The following IGFBP7 variants were observed in gnomAD, a reference collection of about 807,000 sequenced individuals.
The protein encoded by IGFBP7 is insulin-like growth factor-binding protein 7.
Under a neutral mutation model 29.4 loss-of-function variants are expected in IGFBP7, and 31 were observed. The observed-to-expected ratio is 1.05, with a 90% CI of 0.79 to 1.42. The LOEUF is 1.42. Ranked by LOEUF, IGFBP7 falls within the 40% of genes most tolerant of loss-of-function variation. The probability of loss-of-function intolerance (pLI) is 0.00; values close to 1 mark genes in which losing one functional copy is unlikely to be tolerated. For synonymous variants in IGFBP7, 172 were observed against 174.9 expected (o/e 0.98, Z 0.13); for missense variants, 393 against 395.5 (o/e 0.99, Z 0.05).
intron 1 of IGFBP7, among the ~76,000 whole-genome samples, chr4:57,095,331 A>C (rs1246103462): frequency 6.6e-6 from 1 of 152,226 alleles, no homozygotes; most frequent in African/African-American, 2.4e-5. Context: ...TGCTCCCAGA[A>C]GCAGTGGTTC....
intron 1 of IGFBP7, among the ~76,000 whole-genome samples, chr4:57,050,329 C>T (rs1475060476): frequency 6.6e-6 from 1 of 150,884 alleles, no homozygotes; most frequent in East Asian, 2.0e-4. Context: ...ACTGCAACCT[C>T]TGCCCTGTGG....
intron 1 of IGFBP7, among the ~76,000 whole-genome samples, chr4:57,077,731 G>A (rs1725260820): frequency 6.6e-6 from 1 of 152,196 alleles, no homozygotes; most frequent in African/African-American, 2.4e-5. Context: ...GAAATGCAAA[G>A]GGAACAGAAC....
chr4:57,055,002 G>C (rs1400122950), intron 1 of IGFBP7, among the ~76,000 whole-genome samples: 2 of 152,220 alleles, frequency 1.3e-5, no homozygotes, highest in Non-Finnish European at 2.9e-5. Flanking sequence ...CTTCAGGCGA[G>C]GCTGACGGCA....
At position 57,109,699 on chromosome 4, in the gene IGFBP7, G is replaced by A. The variant is rs1382641717; in HGVS notation, c.475+178C>T. 13 of 721,566 alleles carry A rather than the reference G, an allele frequency of 1.8e-5. No individual in the cohort carries two copies. The Admixed American group carries it at 2.2e-4, about 12-fold the overall frequency. 44.7% of individuals were successfully genotyped at this position (721,566 alleles called of 1,614,324 possible). On this transcript the variant is annotated intron_variant, in intron 1 of 4. Transcript: ENST00000295666. The stretch of plus-strand genomic sequence containing the variant: ...ACCAAAAAGGAGAAGGGGGGGCGTC[G>A]CCCACCGCTCCTGGCATTCCGCGGC...
chr4:57,098,490 T>C (rs1174167630), intron 1 of IGFBP7, among the ~76,000 whole-genome samples: 1 of 152,188 alleles, frequency 6.6e-6, no homozygotes, highest in Non-Finnish European at 1.5e-5. Context: ...AGTTATTTTC[T>C]AGTGAACCAA....
intron 1 of IGFBP7, among the ~76,000 whole-genome samples, chr4:57,044,024 T>A (rs1724296497): frequency 6.6e-6 from 1 of 152,186 alleles, no homozygotes; most frequent in African/African-American, 2.4e-5. Flanking sequence ...GCTCAGGGGA[T>A]CTCAAAGGAT....
intron 1 of IGFBP7, among the ~76,000 whole-genome samples, chr4:57,105,742 T>A (rs1270347424): frequency 6.6e-6 from 1 of 152,122 alleles, no homozygotes; most frequent in Non-Finnish European, 1.5e-5. Flanking sequence ...GCCTCTTATA[T>A]ACAGATACAC....
At chr4:57,052,777 A>G (rs958146701) in intron 1 of IGFBP7, among the ~76,000 whole-genome samples, 12 of 152,258 alleles carry the variant, frequency 7.9e-5, no homozygotes, top group Non-Finnish European at 1.2e-4. Context: ...CTGGATTAAT[A>G]AGACACCTCG....
chr4:57,053,443 G>A lies in IGFBP7; in HGVS notation c.476-12510C>T, dbSNP rs182510605. Among the ~76,000 whole-genome samples, 639 of 152,264 alleles carry A rather than the reference G, an allele frequency of 4.2e-3. 3 individuals are homozygous for A. The highest frequency in any genetic ancestry group is 0.037 in the Middle Eastern group (11 of 294). Reference sequence around the variant, plus strand: ...GCCCATGGTGGTTCTGGTACATGTGGTCTGGTGTCATTCTTGAAGGGACCC... The same window carrying A: ...GCCCATGGTGGTTCTGGTACATGTGATCTGGTGTCATTCTTGAAGGGACCC... On this transcript the variant is annotated intron_variant, in intron 1 of 4. Coordinates refer to ENST00000295666, the MANE Select transcript of IGFBP7 (RefSeq NM_001553.3).
In IGFBP7 at chr4:57,110,282, A is replaced by G; in HGVS notation, c.70T>C (p.Ser24Pro). 2 of 1,428,056 alleles carry G rather than the reference A, an allele frequency of 1.4e-6. No individual in the cohort carries two copies. The highest frequency in any genetic ancestry group is 1.8e-6 in the Non-Finnish European group (2 of 1,091,886). The allele number at this position is 1,428,056 out of a possible 1,614,324, so 88.5% of individuals were successfully genotyped here. A position where few individuals can be genotyped will look rare whatever the true frequency, so the allele number is the denominator to read the frequency against. Residue 24 changes from serine (S) to proline (P), a missense_variant, in exon 1 of 5, where the codon TCC (serine) becomes CCC (proline). Transcript: ENST00000295666. ...CAGGTGTCCGAAGAGGAGGAAGAGG[A>G]GAGGGGCAGGAGCAGGAGCAGCAGC... ...AGLLLLLLPL[S>P]SSSSSDTCGP...
chr4:57,097,096 T>G (rs1725780152), intron 1 of IGFBP7, among the ~76,000 whole-genome samples: 1 of 152,182 alleles, frequency 6.6e-6, no homozygotes, highest in Non-Finnish European at 1.5e-5. Context: ...CCAACAAAAA[T>G]TATTGAATAT....
At chr4:57,074,973 T>C (rs1207011726) in intron 1 of IGFBP7, among the ~76,000 whole-genome samples, 1 of 152,210 alleles carries the variant, frequency 6.6e-6, no homozygotes, top group Non-Finnish European at 1.5e-5. Flanking sequence ...TCCGTGCTGA[T>C]TGGACCCTTG....
At chr4:57,104,771 A>G (rs1350768998) in intron 1 of IGFBP7, among the ~76,000 whole-genome samples, 1 of 152,188 alleles carries the variant, frequency 6.6e-6, no homozygotes, top group African/African-American at 2.4e-5. Context: ...AAAAGTTACC[A>G]TCCAATATTA....
At chr4:57,037,943 C>T (rs1724123275) in intron 2 of IGFBP7, among the ~76,000 whole-genome samples, 1 of 152,180 alleles carries the variant, frequency 6.6e-6, no homozygotes, top group African/African-American at 2.4e-5. Flanking sequence ...GGAGGGGAAC[C>T]CATCCACGGA....
At chr4:57,033,354 GATC>G in intron 2 of IGFBP7, 43 bp from the exon 3 acceptor site, 2 of 1,297,076 alleles carry the variant, frequency 1.5e-6, no homozygotes, top group Non-Finnish European at 2.2e-6. Flanking sequence ...TTGTACACCA[GATC>G]ATCTACTTGG....
chr4:57,067,298 AC>A (rs1431670387), intron 1 of IGFBP7, among the ~76,000 whole-genome samples: 3 of 152,226 alleles, frequency 2.0e-5, no homozygotes, highest in Admixed American at 2.0e-4. Flanking sequence ...AGCCTCTATA[AC>A]CTTAAACAGT....
chr4:57,081,020 G>T (rs912283393), intron 1 of IGFBP7, among the ~76,000 whole-genome samples: 1 of 152,134 alleles, frequency 6.6e-6, no homozygotes, highest in Admixed American at 6.5e-5. Context: ...ATGCCATCTG[G>T]TCCTTCTCAC....
At chr4:57,048,134 C>A (rs1458224201) in intron 1 of IGFBP7, among the ~76,000 whole-genome samples, 3 of 151,396 alleles carry the variant, frequency 2.0e-5, no homozygotes, top group African/African-American at 4.9e-5. Context: ...TCACTGCAAG[C>A]TCCACATCCT....
intron 1 of IGFBP7, chr4:57,073,133 C>T (rs1471066318): frequency 6.3e-6 from 10 of 1,594,442 alleles, no homozygotes; most frequent in South Asian, 1.1e-5. Context: ...GGAGCCCTGA[C>T]CCAGGCTGCC....
Sources: allele counts gnomAD v4.1 joint callset (sites outside exome capture counted in the v4.1 genomes callset), GRCh38; gene constraint gnomAD v4.1.1; transcripts MANE v1.5; gene names NCBI Gene and HGNC (gene_info 2026-07-23, HGNC 2026-07-21).